Variants in LRP1B observed in about 807,000 individuals in gnomAD.
The protein encoded by LRP1B is low-density lipoprotein receptor-related protein 1B.
In LRP1B, 217 loss-of-function variants were observed where a neutral mutation model predicts 556.6. The ratio of observed to expected loss-of-function variants is 0.39; its 90% CI spans 0.35 to 0.44. LRP1B has a LOEUF of 0.44. Ranked by LOEUF, LRP1B falls within the 20% of genes least tolerant of loss-of-function variation. The pLI is 1.00. For missense variants in LRP1B, 5,053 were observed against 5,620.8 expected, an observed-to-expected ratio of 0.90 and a Z score of 3.23; for synonymous variants, 2,047 against 1,865.8, an observed-to-expected ratio of 1.10 and a Z score of -2.50.
At chr2:140,745,609 CCT>C (rs1159777488) in intron 35 of LRP1B, among the ~76,000 whole-genome samples, 1 of 151,798 alleles carries the variant, frequency 6.6e-6, no homozygotes, top group Non-Finnish European at 1.5e-5. Flanking sequence ...GTGAGTTCAC[CCT>C]CTCTTTCTTT....
At chr2:140,439,290 T>C (rs1686322842) in intron 66 of LRP1B, among the ~76,000 whole-genome samples, 2 of 152,210 alleles carry the variant, frequency 1.3e-5, no homozygotes, top group Non-Finnish European at 2.9e-5. Flanking sequence ...TAATAAGCAG[T>C]GCAACAGCCC....
At chr2:140,770,110 A>G (rs1689256391) in intron 34 of LRP1B, among the ~76,000 whole-genome samples, 1 of 151,906 alleles carries the variant, frequency 6.6e-6, no homozygotes, top group African/African-American at 2.4e-5. Context: ...TAAGTTGCTT[A>G]ATTTCTCTGT....
intron 79 of LRP1B, among the ~76,000 whole-genome samples, chr2:140,331,402 C>T (rs1680804940): frequency 6.6e-6 from 1 of 151,844 alleles, no homozygotes; most frequent in Non-Finnish European, 1.5e-5. Context: ...ATACGGTGCC[C>T]AATAACAATA....
intron 33 of LRP1B, 138 bp from the exon 34 acceptor site, chr2:140,771,144 C>T (rs190587208): frequency 3.7e-5 from 21 of 572,396 alleles, no homozygotes; most frequent in African/African-American, 3.2e-4. Flanking sequence ...AAAGATTACG[C>T]TTTATTCTCT....
At position 140,415,363 on chromosome 2, in the gene LRP1B, C is replaced by T. The variant is rs150909227; in HGVS notation, c.10414+27141G>A. Among the ~76,000 whole-genome samples, 523 of 152,176 alleles carry T rather than the reference C, an allele frequency of 3.4e-3. 4 individuals carry two copies. The highest frequency in any genetic ancestry group is 0.012 in the African/African-American group (506 of 41,500). ...CCTTATTAGCAGTTCTGCTTTTTGC[C>T]CTTTGAAGCATGTGATCTTTGTACC... On this transcript the variant is annotated intron_variant, in intron 66 of 90. Coordinates refer to ENST00000389484, the MANE Select transcript of LRP1B (RefSeq NM_018557.3).
intron 3 of LRP1B, among the ~76,000 whole-genome samples, chr2:141,476,915 G>A (rs1420713269): frequency 6.6e-6 from 1 of 152,104 alleles, no homozygotes; most frequent in African/African-American, 2.4e-5. Flanking sequence ...CCTGAGGTTG[G>A]GAGTTTGAGA....
At chr2:140,678,085 CTTATT>C (rs1311520701) in intron 41 of LRP1B, among the ~76,000 whole-genome samples, 1 of 152,042 alleles carries the variant, frequency 6.6e-6, no homozygotes, top group African/African-American at 2.4e-5. Context: ...CCCAGGGAAT[CTTATT>C]TTAGAGTCTA....
At chr2:141,173,161 G>GTCA (rs747522844) in intron 7 of LRP1B, among the ~76,000 whole-genome samples, 1 of 151,234 alleles carries the variant, frequency 6.6e-6, no homozygotes, top group African/African-American at 2.4e-5. Context: ...TGCCATCTTT[G>GTCA]TCATCATCAT....
chr2:141,319,332 T>C (rs1240158975), intron 3 of LRP1B, among the ~76,000 whole-genome samples: 1 of 148,868 alleles, frequency 6.7e-6, no homozygotes, highest in Non-Finnish European at 1.5e-5. Flanking sequence ...TTTCCTACTC[T>C]TACTTGAAAT....
intron 7 of LRP1B, among the ~76,000 whole-genome samples, chr2:141,132,508 A>T (rs566364281): frequency 6.6e-6 from 1 of 152,074 alleles, no homozygotes; most frequent in African/African-American, 2.4e-5. Flanking sequence ...ATCTAAAAAA[A>T]ACCCTCTTCT....
At chr2:140,403,860 T>C (rs1167967145) in intron 66 of LRP1B, among the ~76,000 whole-genome samples, 1 of 152,024 alleles carries the variant, frequency 6.6e-6, no homozygotes, top group Non-Finnish European at 1.5e-5. Context: ...GAAAACAATT[T>C]GAAGAGCTGT....
At chr2:141,355,058 A>G (rs550169033) in intron 3 of LRP1B, among the ~76,000 whole-genome samples, 1 of 152,176 alleles carries the variant, frequency 6.6e-6, no homozygotes, top group Admixed American at 6.5e-5. Context: ...GGTATTGGTA[A>G]GGATAATTAA....
At chr2:141,285,333 C>A (rs1041012633) in intron 3 of LRP1B, among the ~76,000 whole-genome samples, 1 of 151,904 alleles carries the variant, frequency 6.6e-6, no homozygotes, top group Non-Finnish European at 1.5e-5. Flanking sequence ...GTTTTCCACC[C>A]GCCTCGGCCT....
At chr2:140,895,990 A>C (rs1268877523) in intron 23 of LRP1B, among the ~76,000 whole-genome samples, 2 of 152,126 alleles carry the variant, frequency 1.3e-5, no homozygotes, top group Non-Finnish European at 2.9e-5. Context: ...ACATTTGAGC[A>C]AGAAAACAGG....
chr2:142,001,497 C>T (rs759466435), intron 1 of LRP1B, among the ~76,000 whole-genome samples: 9 of 152,138 alleles, frequency 5.9e-5, no homozygotes, highest in Non-Finnish European at 1.2e-4. Context: ...GTTGAACATG[C>T]TACTCAATGG....
chr2:141,138,395 A>G (rs934372438), intron 7 of LRP1B, among the ~76,000 whole-genome samples: 8 of 151,962 alleles, frequency 5.3e-5, no homozygotes, highest in African/African-American at 1.9e-4. Flanking sequence ...CTTCTATTCA[A>G]TACAGTACTT....
chr2:140,684,216 T>C (rs547352754), intron 41 of LRP1B, among the ~76,000 whole-genome samples: 115 of 152,322 alleles, frequency 7.5e-4, no homozygotes, highest in Middle Eastern at 3.4e-3. Flanking sequence ...GCTCATGCCA[T>C]CTGGGTGAAA....
intron 43 of LRP1B, among the ~76,000 whole-genome samples, chr2:140,591,589 G>C (rs558643262): frequency 6.6e-6 from 1 of 152,144 alleles, no homozygotes; most frequent in Admixed American, 6.5e-5. Flanking sequence ...TGCTTAATAG[G>C]AGTGGGGTAA....
At chr2:141,737,075 C>T (rs1693497634) in intron 2 of LRP1B, among the ~76,000 whole-genome samples, 1 of 152,122 alleles carries the variant, frequency 6.6e-6, no homozygotes, top group East Asian at 1.9e-4. Context: ...GAAGTCGGGC[C>T]AGGCACGGTG....
Sources: allele counts gnomAD v4.1 joint callset (sites outside exome capture counted in the v4.1 genomes callset), GRCh38; gene constraint gnomAD v4.1.1; transcripts MANE v1.5; gene names NCBI Gene and HGNC (gene_info 2026-07-23, HGNC 2026-07-21).